PSG11: variants seen among roughly 807,000 people sequenced by gnomAD.
The protein encoded by PSG11 is pregnancy specific beta-1-glycoprotein 11.
In PSG11, 42 loss-of-function variants were observed where a neutral mutation model predicts 36.0. The observed-to-expected ratio is 1.17, with a 90% CI of 0.91 to 1.51. The LOEUF (loss-of-function observed/expected upper bound fraction) is 1.51, where lower values mean the gene tolerates loss of function less well. PSG11 is among the 40% of genes most tolerant of loss of function. The probability of loss-of-function intolerance (pLI) is 0.00; values close to 1 mark genes in which losing one functional copy is unlikely to be tolerated. For missense variants in PSG11, 558 were observed against 403.5 expected, an observed-to-expected ratio of 1.38 and a Z score of -3.28; for synonymous variants, 206 against 153.5, an observed-to-expected ratio of 1.34 and a Z score of -2.53.
In PSG11 at chr19:43,010,002, GT is replaced by G. The variant is rs751150984; in HGVS notation, c.1003del (p.Thr335ArgfsTer27). The G allele has an allele frequency of 6.2e-7, 1 of 1,608,330 alleles. No individual in the cohort carries two copies. The highest frequency in any genetic ancestry group is 2.2e-5 in the East Asian group (1 of 44,776). On this transcript the variant is annotated frameshift_variant, in exon 5 of 6. Coordinates refer to ENST00000320078, the MANE Select transcript of PSG11 (RefSeq NM_002785.3). LOFTEE classifies it high-confidence loss of function. Reference protein sequence around the residue: ...GLGTFAFNNPT With the variant: ...GLGTFAFNNPX ...ACAAAAATGACATCACGGCTGCTACGTTGGATTATTGAAAGCAAAAGTTCCT... is the reference window on the plus strand; with the variant it reads ...ACAAAAATGACATCACGGCTGCTACGTGGATTATTGAAAGCAAAAGTTCCT...
At chr19:43,015,413 G>T in intron 3 of PSG11, 43 bp from the exon 4 acceptor site, 1 of 1,577,030 alleles carries the variant, frequency 6.3e-7, no homozygotes, top group Non-Finnish European at 8.6e-7. Flanking sequence ...TCATCTGAGG[G>T]AAGGGGAAGC....
intron 2 of PSG11, among the ~76,000 whole-genome samples, chr19:43,023,082 C>G (rs1194613554): frequency 2.0e-5 from 3 of 150,888 alleles, no homozygotes; most frequent in South Asian, 4.2e-4. Context: ...CAGCTGCCCC[C>G]AGTTCCACAG....
At chr19:43,026,058 T>C (rs1174349713) in intron 1 of PSG11, among the ~76,000 whole-genome samples, 1 of 148,544 alleles carries the variant, frequency 6.7e-6, no homozygotes, top group African/African-American at 2.5e-5. Flanking sequence ...TCTCCTGCCT[T>C]GGCCTCCTGA....
At chr19:43,025,132 G>A in intron 1 of PSG11, 76 bp from the exon 2 acceptor site, 2 of 1,534,248 alleles carry the variant, frequency 1.3e-6, no homozygotes, top group Non-Finnish European at 1.8e-6. Context: ...TGAGTCCTGA[G>A]AAGGTCTCTT....
intron 2 of PSG11, chr19:43,024,490 C>T (rs541251375): frequency 3.5e-6 from 3 of 866,212 alleles, no homozygotes; most frequent in East Asian, 5.1e-5. Flanking sequence ...CGAGTGTCTG[C>T]AGGGTCTGGA....
At chr19:43,025,183 A>ACC (rs1967211181) in intron 1 of PSG11, 127 bp from the exon 2 acceptor site, 7 of 1,366,652 alleles carry the variant, frequency 5.1e-6, no homozygotes, top group Non-Finnish European at 5.0e-6. Context: ...ACACACACAC[A>ACC]CATACAAACA....
intron 2 of PSG11, among the ~76,000 whole-genome samples, chr19:43,023,679 G>C (rs1487187137): frequency 1.3e-5 from 2 of 151,152 alleles, no homozygotes; most frequent in Non-Finnish European, 2.9e-5. Context: ...GTGGAGGAGA[G>C]GATGGGCCTG....
At chr19:43,010,360 A>G in intron 4 of PSG11, 1 of 1,534,996 alleles carries the variant, frequency 6.5e-7, no homozygotes, top group South Asian at 1.3e-5. Context: ...TCATGGTTGC[A>G]TCTTTTTCTC....
Position 43,024,961 on chromosome 19 carries a change from G to A in PSG11, c.160C>T (p.Leu54Phe), listed in dbSNP as rs1165475935. 1 of 1,611,760 alleles carries A rather than the reference G, an allele frequency of 6.2e-7. No individual in the cohort carries two copies. The highest frequency in any genetic ancestry group is 1.3e-5 in the African/African-American group (1 of 74,380). ...AGATTCTGGGGCAAATTGTGGACAA[G>A]TAGAAGAACATCCTTCCCCTCGGAC... The part of the protein sequence containing the change: ...KVSEGKDVLL[L>F]VHNLPQNLTG... The change falls in exon 2 of 6, where the codon CTT (leucine) becomes TTT (phenylalanine). Residue 54 changes from leucine to phenylalanine, a missense_variant. Physicochemically the swap from Leu to Phe is conservative, Grantham distance 22. Coordinates refer to ENST00000320078, the MANE Select transcript of PSG11 (RefSeq NM_002785.3).
rs1366239311 is a variant in PSG11, at chr19:43,008,015, C to T, written c.*68G>A. 15 of 399,814 alleles carry T rather than the reference C, an allele frequency of 3.8e-5. 1 individual carries two copies. The allele number at this position is 399,814 out of a possible 1,614,324, so 24.8% of individuals were successfully genotyped here. A position where few individuals can be genotyped will look rare whatever the true frequency, so the allele number is the denominator to read the frequency against. On this transcript the variant is annotated 3_prime_UTR_variant, in exon 6 of 6. Coordinates refer to ENST00000320078, the MANE Select transcript of PSG11 (RefSeq NM_002785.3). ...TTATCAGGAACTTGTATTCAAGAGT[C>T]CTTTTCATAGTCTTTTCCATAAATC...
intron 2 of PSG11, among the ~76,000 whole-genome samples, chr19:43,021,537 C>T (rs1418114559): frequency 6.6e-6 from 1 of 151,142 alleles, no homozygotes; most frequent in Non-Finnish European, 1.5e-5. Context: ...ATTTTTAGCA[C>T]AGATGGGCTT....
At chr19:43,014,048 T>C (rs1416465593) in intron 4 of PSG11, 2 of 151,430 alleles carry the variant, frequency 1.3e-5, no homozygotes, top group African/African-American at 4.9e-5. Context: ...ATTCCATTTA[T>C]AAAAGATAGA....
intron 3 of PSG11, chr19:43,016,132 C>T: frequency 6.6e-7 from 1 of 1,515,676 alleles, no homozygotes; most frequent in Non-Finnish European, 8.9e-7. Flanking sequence ...GCATCTCCCA[C>T]CTCTCAGCCC....
chr19:43,019,097 C>A, intron 2 of PSG11, 49 bp from the exon 3 acceptor site: 1 of 1,584,882 alleles, frequency 6.3e-7, no homozygotes, highest in Non-Finnish European at 8.6e-7. Context: ...CCTTTGATTC[C>A]TCCAAAGGCA....
chr19:43,010,890 C>CATATATATATATAT (rs10566441), intron 4 of PSG11, among the ~76,000 whole-genome samples: 103 of 140,426 alleles, frequency 7.3e-4, no homozygotes, highest in African/African-American at 2.6e-3. Context: ...CCTCTTTTTC[C>CATATATATATATAT]ATATATATAT....
At chr19:43,016,658 A>G (rs1966974340) in intron 3 of PSG11, among the ~76,000 whole-genome samples, 1 of 151,512 alleles carries the variant, frequency 6.6e-6, no homozygotes, top group Non-Finnish European at 1.5e-5. Context: ...CAGGTGTTTC[A>G]TGATGACTTA....
intron 4 of PSG11, 32 bp downstream of exon 4, chr19:43,015,084 C>G (rs749327784): frequency 6.2e-6 from 10 of 1,611,014 alleles, no homozygotes; most frequent in Non-Finnish European, 8.5e-6. Context: ...CCACCTAAAA[C>G]CCTATTGCCA....
intron 5 of PSG11, among the ~76,000 whole-genome samples, chr19:43,008,751 A>G (rs1973995615): frequency 6.6e-6 from 1 of 151,334 alleles, no homozygotes; most frequent in African/African-American, 2.4e-5. Context: ...CCCATTCATA[A>G]ATAGGGCCAA....
At chr19:43,023,098 G>T (rs1392312175) in intron 2 of PSG11, among the ~76,000 whole-genome samples, 1 of 150,754 alleles carries the variant, frequency 6.6e-6, no homozygotes, top group Non-Finnish European at 1.5e-5. Flanking sequence ...CACAGTCCAG[G>T]ACCAAGGAGC....
Sources: gnomAD v4.1 joint callset for allele counts (sites outside exome capture counted in the v4.1 genomes callset) on GRCh38, gnomAD v4.1.1 for gene constraint, MANE v1.5 for transcripts, NCBI Gene and HGNC (gene_info 2026-07-23, HGNC 2026-07-21) for gene names.